Variants in CCDC91 observed in about 807,000 individuals in gnomAD.
The protein encoded by CCDC91 is coiled-coil domain-containing protein 91.
CCDC91 carries 48 observed loss-of-function variants against 63.2 expected under a neutral mutation model. The observed-to-expected ratio is 0.76, with a 90% confidence interval of 0.60 to 0.97. CCDC91 has a LOEUF of 0.97. Among genes scored for constraint, CCDC91 ranks in the 50% least tolerant of loss-of-function variants. The probability of loss-of-function intolerance (pLI) is 0.00; values close to 1 mark genes in which losing one functional copy is unlikely to be tolerated. For missense variants in CCDC91, 500 were observed against 494.6 expected, an observed-to-expected ratio of 1.01 and a Z score of -0.10; for synonymous variants, 167 against 165.8, an observed-to-expected ratio of 1.01 and a Z score of -0.06.
chr12:28,203,183 C>T (rs912498698), intron 1 of CCDC91, among the ~76,000 whole-genome samples: 2 of 152,142 alleles, frequency 1.3e-5, no homozygotes, highest in African/African-American at 4.8e-5. Context: ...ATTAAAATGC[C>T]ATAAAACTTG....
At chr12:28,430,517 A>G (rs1311801649) in intron 8 of CCDC91, among the ~76,000 whole-genome samples, 1 of 152,276 alleles carries the variant, frequency 6.6e-6, no homozygotes, top group East Asian at 1.9e-4. Flanking sequence ...AAGAAATTAC[A>G]TACTGTATAT....
At chr12:28,507,114 TAA>T (rs1938823842) in intron 12 of CCDC91, among the ~76,000 whole-genome samples, 1 of 151,962 alleles carries the variant, frequency 6.6e-6, no homozygotes, top group Admixed American at 6.6e-5. Flanking sequence ...TCAAGCTTTA[TAA>T]ATAGGCTTGT....
chr12:28,285,924 C>T (rs1328869064), intron 3 of CCDC91, among the ~76,000 whole-genome samples: 4 of 151,862 alleles, frequency 2.6e-5, no homozygotes, highest in Non-Finnish European at 5.9e-5. Context: ...AATTATTTAT[C>T]ATAAAACTTT....
At chr12:28,543,612 C>G (rs556213839) in intron 12 of CCDC91, among the ~76,000 whole-genome samples, 1 of 152,134 alleles carries the variant, frequency 6.6e-6, no homozygotes, top group South Asian at 2.1e-4. Context: ...TATCCACTTT[C>G]ATTCCCTAAA....
intron 3 of CCDC91, among the ~76,000 whole-genome samples, chr12:28,305,181 G>A (rs559421213): frequency 1.1e-3 from 165 of 152,120 alleles, no homozygotes; most frequent in African/African-American, 3.8e-3. Context: ...GAGTCATAAA[G>A]CCATTGAGTA....
intron 8 of CCDC91, among the ~76,000 whole-genome samples, chr12:28,404,486 G>GTA (rs1946813969): frequency 6.6e-6 from 1 of 152,090 alleles, no homozygotes; most frequent in Non-Finnish European, 1.5e-5. Context: ...GCTGGTTGCA[G>GTA]TATATAGACT....
At chr12:28,352,569 C>T (rs962253646) in intron 6 of CCDC91, among the ~76,000 whole-genome samples, 2 of 152,164 alleles carry the variant, frequency 1.3e-5, no homozygotes, top group Non-Finnish European at 2.9e-5. Flanking sequence ...TAAGAAGCAA[C>T]TCCTTATCTG....
At chr12:28,285,514 A>T (rs1242396778) in intron 3 of CCDC91, among the ~76,000 whole-genome samples, 2 of 151,970 alleles carry the variant, frequency 1.3e-5, no homozygotes, top group Non-Finnish European at 2.9e-5. Context: ...CAAAAGGTAC[A>T]TAATGAGCTT....
intron 11 of CCDC91, among the ~76,000 whole-genome samples, chr12:28,463,055 G>T (rs543960797): frequency 3.2e-4 from 49 of 152,282 alleles, no homozygotes; most frequent in African/African-American, 1.2e-3. Context: ...CTATATACAT[G>T]AAAACATGGT....
At chr12:28,203,739 A>G (rs1942636941) in intron 1 of CCDC91, among the ~76,000 whole-genome samples, 1 of 152,228 alleles carries the variant, frequency 6.6e-6, no homozygotes, top group South Asian at 2.1e-4. Context: ...TATTAATAAT[A>G]AGTAGTATGG....
intron 1 of CCDC91, among the ~76,000 whole-genome samples, chr12:28,218,430 TCAC>T (rs1215313499): frequency 6.7e-6 from 1 of 150,118 alleles, no homozygotes; most frequent in Non-Finnish European, 1.5e-5. Context: ...ACAATTAAAA[TCAC>T]CAATAACTCC....
At chr12:28,218,044 G>C (rs753383899) in intron 1 of CCDC91, among the ~76,000 whole-genome samples, 3 of 152,022 alleles carry the variant, frequency 2.0e-5, no homozygotes, top group Non-Finnish European at 2.9e-5. Context: ...GTGACTCCTT[G>C]CTCTGTTCTC....
intron 8 of CCDC91, among the ~76,000 whole-genome samples, chr12:28,404,672 C>T (rs1168532392): frequency 1.3e-5 from 2 of 152,060 alleles, no homozygotes; most frequent in Non-Finnish European, 2.9e-5. Context: ...TTTTGCTGCT[C>T]TGTTATTAGG....
At chr12:28,277,234 A>T (rs553564205) in intron 3 of CCDC91, among the ~76,000 whole-genome samples, 163 of 152,154 alleles carry the variant, frequency 1.1e-3, no homozygotes, top group African/African-American at 3.6e-3. Context: ...AGAGATTTAT[A>T]AATGACATTG....
intron 6 of CCDC91, among the ~76,000 whole-genome samples, chr12:28,317,212 G>T (rs949276528): frequency 5.3e-5 from 8 of 151,954 alleles, no homozygotes; most frequent in African/African-American, 1.9e-4. Context: ...ATTTGTGATA[G>T]GAATATCCCA....
intron 8 of CCDC91, among the ~76,000 whole-genome samples, chr12:28,417,947 T>C (rs1354396422): frequency 6.6e-6 from 1 of 152,156 alleles, no homozygotes; most frequent in African/African-American, 2.4e-5. Context: ...AAATGTGTTA[T>C]ATTTTATCCA....
Position 28,246,423 on chromosome 12 carries a change from T to C in CCDC91, c.-14-10779T>C, listed in dbSNP as rs528829334. On this transcript the variant is annotated intron_variant, in intron 1 of 12. Coordinates refer to ENST00000536442, the MANE Select transcript of CCDC91 (RefSeq NM_018318.5). ...TAGAGCACATTCTTGTGCCTTGATA[T>C]TGTGATATATTTGTAGACTTTTTTT... Among the ~76,000 whole-genome samples the C allele has an allele frequency of 4.6e-5, 7 of 152,294 alleles. No individual in the cohort carries two copies. The East Asian group carries it at 5.8e-4, about 13-fold the overall frequency.
intron 6 of CCDC91, among the ~76,000 whole-genome samples, chr12:28,322,937 A>G (rs1397731055): frequency 6.6e-6 from 1 of 151,492 alleles, no homozygotes; most frequent in Non-Finnish European, 1.5e-5. Context: ...TTAGTATGTT[A>G]GATTTTTTTC....
At chr12:28,521,182 T>C (rs1229599657) in intron 12 of CCDC91, among the ~76,000 whole-genome samples, 1 of 152,218 alleles carries the variant, frequency 6.6e-6, no homozygotes, top group Non-Finnish European at 1.5e-5. Flanking sequence ...ATTTTCACGA[T>C]ATTGATTATT....
Sources: gnomAD v4.1 joint callset for allele counts (sites outside exome capture counted in the v4.1 genomes callset) on GRCh38, gnomAD v4.1.1 for gene constraint, MANE v1.5 for transcripts, NCBI Gene and HGNC (gene_info 2026-07-23, HGNC 2026-07-21) for gene names.